Variants in RAB9B observed in about 807,000 individuals in gnomAD.
The protein encoded by RAB9B is RAB9B, member RAS oncogene family, also known as ras-related protein Rab-9B.
RAB9B carries 1 observed loss-of-function variant against 8.9 expected under a neutral mutation model. That is an observed-to-expected ratio of 0.11 (90% CI 0.04 to 0.53). The LOEUF (loss-of-function observed/expected upper bound fraction) is 0.53, where lower values mean the gene tolerates loss of function less well. Among genes scored for constraint, RAB9B ranks in the 20% least tolerant of loss-of-function variants. RAB9B has a pLI of 0.93. For missense variants in RAB9B, 82 were observed against 152.9 expected (o/e 0.54, Z 2.45); for synonymous variants, 63 against 57.0 (o/e 1.10, Z -0.47).
chrX:103,828,042 T>C (rs921860926), intron 1 of RAB9B, among the ~76,000 whole-genome samples: 2 of 111,970 alleles, frequency 1.8e-5, no homozygotes, highest in African/African-American at 3.2e-5. Flanking sequence ...TCTAATATTA[T>C]AATTAATTAT....
the RAB9B span, among the ~76,000 whole-genome samples, chrX:103,806,241 T>C: frequency 9.0e-6 from 1 of 111,655 alleles, no homozygotes; most frequent in African/African-American, 3.3e-5. Flanking sequence ...AGATACAGTA[T>C]AAATTTCCTC....
intron 2 of RAB9B, 31 bp downstream of exon 2, chrX:103,826,974 A>G (rs1381887642): frequency 9.0e-6 from 1 of 111,466 alleles, no homozygotes; most frequent in Non-Finnish European, 1.9e-5. Context: ...AAATATCCCA[A>G]ATCCACAGTG....
the RAB9B span, chrX:103,776,745 T>C: frequency 3.6e-5 from 13 of 363,475 alleles, no homozygotes; most frequent in Non-Finnish European, 6.0e-5. Context: ...GGAGTATCCC[T>C]GAGTAGGTGG....
At chrX:103,776,927 C>G in the RAB9B span, 1 of 1,076,629 alleles carries the variant, frequency 9.3e-7, no homozygotes, top group African/African-American at 1.8e-5. Context: ...AGGATCCTTC[C>G]AGCTGAACAA....
chrX:103,796,847 C>CA, the RAB9B span, among the ~76,000 whole-genome samples: 4,020 of 12,110 alleles, frequency 0.33, 891 homozygotes, highest in Non-Finnish European at 0.39. Flanking sequence ...ACCGCCTCTA[C>CA]AAAAAAAAAA....
downstream of RAB9B, among the ~76,000 whole-genome samples, chrX:103,818,621 A>G (rs2074648443): frequency 1.8e-5 from 2 of 111,816 alleles, no homozygotes; most frequent in Non-Finnish European, 3.8e-5. Context: ...TCAATACAAT[A>G]TTATGCAAAC....
At chrX:103,794,712 TACTC>T in the RAB9B span, among the ~76,000 whole-genome samples, 2 of 112,222 alleles carry the variant, frequency 1.8e-5, no homozygotes, top group Non-Finnish European at 3.8e-5. Context: ...ATAAAAGAAA[TACTC>T]ATTATTATAT....
downstream of RAB9B, among the ~76,000 whole-genome samples, chrX:103,820,469 C>T (rs916959416): frequency 8.9e-6 from 1 of 111,777 alleles, no homozygotes; most frequent in Admixed American, 9.5e-5. Context: ...TGTTTTAAAA[C>T]TACAGTTACA....
chrX:103,784,425 C>G, the RAB9B span, among the ~76,000 whole-genome samples: 1 of 111,680 alleles, frequency 9.0e-6, no homozygotes, highest in African/African-American at 3.3e-5. Flanking sequence ...AACTGCCATA[C>G]AAAGTGTCCA....
downstream of RAB9B, among the ~76,000 whole-genome samples, chrX:103,819,658 C>A: frequency 8.9e-6 from 1 of 111,883 alleles, no homozygotes. Context: ...TTTTGGCAAG[C>A]ATATCAGTAA....
At chrX:103,797,855 G>C in the RAB9B span, among the ~76,000 whole-genome samples, 1 of 111,771 alleles carries the variant, frequency 8.9e-6, no homozygotes, top group South Asian at 3.8e-4. Context: ...GTTAAGGGGG[G>C]ATAACCTGAA....
At chrX:103,796,981 T>C in the RAB9B span, among the ~76,000 whole-genome samples, 3 of 107,936 alleles carry the variant, frequency 2.8e-5, no homozygotes, top group Non-Finnish European at 5.7e-5. Flanking sequence ...GAGCTGTGAT[T>C]GCACCATTAC....
the RAB9B span, among the ~76,000 whole-genome samples, chrX:103,799,432 C>T: frequency 2.7e-5 from 3 of 111,457 alleles, no homozygotes; most frequent in Non-Finnish European, 5.6e-5. Context: ...AAACTTTATT[C>T]TTATTTTAAG....
the RAB9B span, among the ~76,000 whole-genome samples, chrX:103,801,209 C>T: frequency 9.0e-6 from 1 of 110,607 alleles, no homozygotes; most frequent in Non-Finnish European, 1.9e-5. Context: ...GTTCCAGCAC[C>T]CCATTCTCCT....
the RAB9B span, chrX:103,788,114 C>T: frequency 1.8e-6 from 1 of 556,888 alleles, no homozygotes; most frequent in East Asian, 3.6e-5. Flanking sequence ...TCCTTCCCTA[C>T]TGAAACCAGA....
At chrX:103,782,754 A>T in the RAB9B span, among the ~76,000 whole-genome samples, 1 of 107,350 alleles carries the variant, frequency 9.3e-6, no homozygotes, top group African/African-American at 3.4e-5. Context: ...ACCCTCGGCT[A>T]AACAAACAGT....
At chrX:103,784,865 C>T in the RAB9B span, among the ~76,000 whole-genome samples, 1 of 112,171 alleles carries the variant, frequency 8.9e-6, no homozygotes, top group Non-Finnish European at 1.9e-5. Context: ...TCCCGTATAA[C>T]ACCCAGCATA....
At chrX:103,828,636 T>C (rs192636428) in intron 1 of RAB9B, among the ~76,000 whole-genome samples, 2 of 111,590 alleles carry the variant, frequency 1.8e-5, no homozygotes, top group East Asian at 2.8e-4. Context: ...CTGACCCTAT[T>C]CTCCCAGTTG....
At position 103,825,396 on chromosome X, in the gene RAB9B, T is replaced by C; in HGVS notation, c.389A>G (p.Asp130Gly). 2 of 1,211,948 alleles carry C rather than the reference T, an allele frequency of 1.7e-6. No individual in the cohort carries two copies. Among genetic ancestry groups the C allele is most frequent in the South Asian group, 3.5e-5 (2 of 56,990 alleles). The change falls in exon 3 of 3, where the codon GAT becomes GGT. Residue 130 changes from aspartate (D) to glycine (G), a missense_variant. Coordinates refer to ENST00000243298, the MANE Select transcript of RAB9B (RefSeq NM_016370.4). ...VVLGNKVDKEDRQVTTEEAQT... is the reference protein window; with the variant it reads ...VVLGNKVDKEGRQVTTEEAQT... ...TGCCTCCTCAGTAGTCACTTGCCTA[T>C]CCTCTTTGTCTACCTTGTTACCCAG...
Sources: gnomAD v4.1 joint callset for allele counts (sites outside exome capture counted in the v4.1 genomes callset) on GRCh38, gnomAD v4.1.1 for gene constraint, MANE v1.5 for transcripts, NCBI Gene and HGNC (gene_info 2026-07-23, HGNC 2026-07-21) for gene names.